Variants in GALNTL6 observed in about 807,000 individuals in gnomAD.
GALNTL6 encodes polypeptide N-acetylgalactosaminyltransferase-like 6.
Under a neutral mutation model 73.7 loss-of-function variants are expected in GALNTL6, and 46 were observed. That is an observed-to-expected ratio of 0.62 (90% CI 0.49 to 0.80). GALNTL6 has a LOEUF of 0.80. Ranked by LOEUF, GALNTL6 falls within the 30% of genes least tolerant of loss-of-function variation. GALNTL6 has a pLI of 0.00. For synonymous variants in GALNTL6, 259 were observed against 263.7 expected, an observed-to-expected ratio of 0.98 and a Z score of 0.17; for missense variants, 604 against 755.0, an observed-to-expected ratio of 0.80 and a Z score of 2.34.
At chr4:172,196,101 G>A (rs1433476576) in intron 2 of GALNTL6, among the ~76,000 whole-genome samples, 2 of 146,074 alleles carry the variant, frequency 1.4e-5, no homozygotes, top group African/African-American at 2.5e-5. Context: ...ACAATAAAAT[G>A]TGATAAAGGG....
chr4:171,891,797 C>T (rs1370764283), intron 2 of GALNTL6, among the ~76,000 whole-genome samples: 4 of 152,114 alleles, frequency 2.6e-5, no homozygotes, highest in Non-Finnish European at 4.4e-5. Context: ...AGTTAAACTA[C>T]GAATACTGTT....
At chr4:172,940,040 T>C (rs1748834663) in intron 9 of GALNTL6, among the ~76,000 whole-genome samples, 1 of 152,098 alleles carries the variant, frequency 6.6e-6, no homozygotes, top group East Asian at 1.9e-4. Context: ...TTTTTTCATA[T>C]CAAACATAGA....
In GALNTL6 at chr4:171,861,319, T is replaced by A. The variant is rs549174443; in HGVS notation, c.138+46601T>A. ...TTAATCTAGTTTAATAGTCATTTAC[T>A]ACAGGAAGGCCAGTCCAGTTAACAG... is the stretch of plus-strand genomic sequence containing the variant. On this transcript the variant is annotated intron_variant, in intron 2 of 12. Coordinates refer to ENST00000506823, the MANE Select transcript of GALNTL6 (RefSeq NM_001034845.3). 2.3e-3 allele frequency among the ~76,000 whole-genome samples: 355 copies of A among 152,330 alleles called. 4 individuals are homozygous for A. The highest frequency in any genetic ancestry group is 0.017 in the South Asian group (80 of 4,830).
intron 5 of GALNTL6, among the ~76,000 whole-genome samples, chr4:172,449,907 A>G (rs1281061448): frequency 3.3e-5 from 5 of 152,152 alleles, no homozygotes; most frequent in Non-Finnish European, 7.4e-5. Context: ...CATGGCCAAG[A>G]TTAAATTACT....
intron 5 of GALNTL6, among the ~76,000 whole-genome samples, chr4:172,437,173 A>T (rs1731665108): frequency 6.6e-6 from 1 of 152,110 alleles, no homozygotes; most frequent in Admixed American, 6.6e-5. Flanking sequence ...TATGCTTCTT[A>T]TCTATGAGAT....
chr4:173,036,071 A>T (rs890758890), intron 12 of GALNTL6, among the ~76,000 whole-genome samples: 1 of 152,194 alleles, frequency 6.6e-6, no homozygotes, highest in African/African-American at 2.4e-5. Flanking sequence ...GTTACAGATA[A>T]GTAACCTGAG....
At chr4:172,891,113 G>C (rs1269441578) in intron 8 of GALNTL6, among the ~76,000 whole-genome samples, 1 of 139,674 alleles carries the variant, frequency 7.2e-6, no homozygotes, top group Non-Finnish European at 1.5e-5. Context: ...GACAGCAGAA[G>C]GTTGGGCCTT....
At chr4:172,816,207 G>A (rs539759491) in intron 7 of GALNTL6, among the ~76,000 whole-genome samples, 1 of 152,322 alleles carries the variant, frequency 6.6e-6, no homozygotes, top group Non-Finnish European at 1.5e-5. Flanking sequence ...AAACAAAGAA[G>A]AATGTGCAAA....
At chr4:172,572,953 A>G (rs756399796) in intron 5 of GALNTL6, among the ~76,000 whole-genome samples, 12 of 152,150 alleles carry the variant, frequency 7.9e-5, no homozygotes, top group Non-Finnish European at 1.5e-4. Flanking sequence ...GCTCCAAAAC[A>G]TAAGTCCCTT....
intron 2 of GALNTL6, among the ~76,000 whole-genome samples, chr4:172,079,918 G>A (rs1205084192): frequency 6.6e-6 from 1 of 151,734 alleles, no homozygotes; most frequent in Admixed American, 6.6e-5. Flanking sequence ...CAATGTTTAT[G>A]TGGTTAAATC....
At chr4:172,176,106 G>A (rs946491607) in intron 2 of GALNTL6, among the ~76,000 whole-genome samples, 23 of 151,824 alleles carry the variant, frequency 1.5e-4, no homozygotes, top group Admixed American at 6.6e-4. Context: ...TTGGGAGGCC[G>A]AGGTGGGCGG....
At chr4:172,602,935 T>C (rs910837106) in intron 5 of GALNTL6, among the ~76,000 whole-genome samples, 1 of 152,104 alleles carries the variant, frequency 6.6e-6, no homozygotes. Context: ...TATGGGTGAA[T>C]ACCAAAAAAA....
intron 2 of GALNTL6, among the ~76,000 whole-genome samples, chr4:171,953,225 C>CGTGTGTGTGTGTGTGTGT (rs36214606): frequency 1.4e-5 from 2 of 147,022 alleles, no homozygotes; most frequent in African/African-American, 5.0e-5. Flanking sequence ...CGCATGCGCA[C>CGTGTGTGTGTGTGTGTGT]GTGTGTGTGT....
intron 5 of GALNTL6, among the ~76,000 whole-genome samples, chr4:172,443,354 C>T (rs867420406): frequency 6.6e-6 from 1 of 150,782 alleles, no homozygotes; most frequent in Non-Finnish European, 1.5e-5. Context: ...TTAGTAGAGA[C>T]GGGTTTTTAC....
At chr4:172,962,159 T>G (rs1321260375) in intron 10 of GALNTL6, among the ~76,000 whole-genome samples, 1 of 152,136 alleles carries the variant, frequency 6.6e-6, no homozygotes, top group Non-Finnish European at 1.5e-5. Flanking sequence ...AAAATGAATT[T>G]CACCAGGTAA....
At chr4:173,001,753 C>A (rs1752055417) in intron 10 of GALNTL6, among the ~76,000 whole-genome samples, 1 of 152,144 alleles carries the variant, frequency 6.6e-6, no homozygotes, top group Non-Finnish European at 1.5e-5. Context: ...GCTCAATAAA[C>A]AAATGAAAAG....
At chr4:172,131,090 A>G (rs1213116334) in intron 2 of GALNTL6, among the ~76,000 whole-genome samples, 2 of 152,042 alleles carry the variant, frequency 1.3e-5, no homozygotes, top group Non-Finnish European at 2.9e-5. Flanking sequence ...TAGAAAAACA[A>G]ACATATTTTT....
At chr4:172,967,405 A>C (rs982705751) in intron 10 of GALNTL6, among the ~76,000 whole-genome samples, 6 of 152,246 alleles carry the variant, frequency 3.9e-5, no homozygotes, top group African/African-American at 1.4e-4. Context: ...AATCTCTAGC[A>C]CAGGAAGGAC....
At chr4:172,055,185 G>A in intron 2 of GALNTL6, among the ~76,000 whole-genome samples, 1 of 152,220 alleles carries the variant, frequency 6.6e-6, no homozygotes, top group East Asian at 1.9e-4. Flanking sequence ...AATTTCCCCT[G>A]CTTTCCTTCT....
Sources: allele counts gnomAD v4.1 joint callset (sites outside exome capture counted in the v4.1 genomes callset), GRCh38; gene constraint gnomAD v4.1.1; transcripts MANE v1.5; gene names NCBI Gene and HGNC (gene_info 2026-07-23, HGNC 2026-07-21).